The following BCKDHB variants were observed in gnomAD, a reference collection of about 807,000 sequenced individuals.
BCKDHB encodes 2-oxoisovalerate dehydrogenase subunit beta, mitochondrial.
A neutral mutation model predicts 48.5 loss-of-function variants in BCKDHB; 41 were observed. That is an observed-to-expected ratio of 0.85 (90% CI 0.66 to 1.10). The LOEUF (loss-of-function observed/expected upper bound fraction) is 1.10, where lower values mean the gene tolerates loss of function less well. Among genes scored for constraint, BCKDHB ranks in the 50% least tolerant of loss-of-function variants. The pLI, the probability that BCKDHB is intolerant of heterozygous loss-of-function variation, is 0.00. For synonymous variants in BCKDHB, 201 were observed against 174.8 expected (o/e 1.15, Z -1.18); for missense variants, 496 against 494.2 (o/e 1.00, Z -0.03).
intron 9 of BCKDHB, among the ~76,000 whole-genome samples, chr6:80,332,299 T>C (rs1453673947): frequency 1.3e-5 from 2 of 152,234 alleles, no homozygotes; most frequent in Non-Finnish European, 2.9e-5. Flanking sequence ...ACTGCACTTG[T>C]ATTTACATTT....
At chr6:80,430,558 T>G in the BCKDHB span, among the ~76,000 whole-genome samples, 1 of 151,542 alleles carries the variant, frequency 6.6e-6, no homozygotes, top group Admixed American at 6.6e-5. Flanking sequence ...ATTGGTCTAT[T>G]CAGGGATTCA....
chr6:80,387,749 G>C, the BCKDHB span, among the ~76,000 whole-genome samples: 2 of 152,236 alleles, frequency 1.3e-5, no homozygotes, highest in Non-Finnish European at 2.9e-5. Context: ...CCTACCTCAA[G>C]GGTATATCAA....
intron 9 of BCKDHB, among the ~76,000 whole-genome samples, chr6:80,303,767 G>T (rs781356982): frequency 6.6e-6 from 1 of 151,930 alleles, no homozygotes; most frequent in Non-Finnish European, 1.5e-5. Context: ...AATTTACAAA[G>T]CATCACTTTA....
At chr6:80,433,098 G>A in the BCKDHB span, among the ~76,000 whole-genome samples, 1 of 152,118 alleles carries the variant, frequency 6.6e-6, no homozygotes, top group South Asian at 2.1e-4. Flanking sequence ...GTGTCTGTTG[G>A]CCCATACTGG....
chr6:80,296,491 C>T (rs1264869888), intron 9 of BCKDHB, among the ~76,000 whole-genome samples: 1 of 152,242 alleles, frequency 6.6e-6, no homozygotes, highest in African/African-American at 2.4e-5. Context: ...CAACATCACT[C>T]CTGTATGATT....
At chr6:80,157,607 AG>A (rs1460458675) in intron 3 of BCKDHB, among the ~76,000 whole-genome samples, 2 of 151,356 alleles carry the variant, frequency 1.3e-5, no homozygotes, top group African/African-American at 4.8e-5. Context: ...CTGGGATTAC[AG>A]GCATGTGCCA....
At chr6:80,292,446 G>A (rs767487693) in intron 9 of BCKDHB, among the ~76,000 whole-genome samples, 14 of 151,624 alleles carry the variant, frequency 9.2e-5, no homozygotes, top group East Asian at 2.0e-4. Flanking sequence ...ATCAGATCGC[G>A]TGAGACTTAT....
intron 8 of BCKDHB, among the ~76,000 whole-genome samples, chr6:80,253,397 C>G (rs1466475159): frequency 6.6e-6 from 1 of 152,174 alleles, no homozygotes; most frequent in Non-Finnish European, 1.5e-5. Context: ...ACCATTTAGG[C>G]AAATGAGTTT....
intron 9 of BCKDHB, among the ~76,000 whole-genome samples, chr6:80,290,952 G>A (rs1766877973): frequency 6.6e-6 from 1 of 152,202 alleles, no homozygotes; most frequent in Non-Finnish European, 1.5e-5. Flanking sequence ...TGAGAGTGTA[G>A]CAGTCAGGAT....
the BCKDHB span, among the ~76,000 whole-genome samples, chr6:80,424,296 C>G: frequency 6.6e-6 from 1 of 152,122 alleles, no homozygotes; most frequent in African/African-American, 2.4e-5. Flanking sequence ...TCTTGTGATG[C>G]CTTTAAACTT....
intron 8 of BCKDHB, among the ~76,000 whole-genome samples, chr6:80,210,001 G>A (rs907446744): frequency 2.6e-5 from 4 of 151,952 alleles, no homozygotes; most frequent in African/African-American, 4.8e-5. Context: ...ATAATGTGGA[G>A]CAATTCAACT....
At chr6:80,270,708 G>A (rs1239119156) in intron 8 of BCKDHB, among the ~76,000 whole-genome samples, 3 of 152,012 alleles carry the variant, frequency 2.0e-5, no homozygotes, top group East Asian at 3.9e-4. Flanking sequence ...AGTATCTAAC[G>A]GCTTTGAGGG....
intron 8 of BCKDHB, among the ~76,000 whole-genome samples, chr6:80,249,162 A>ATT (rs1333275705): frequency 1.3e-5 from 2 of 152,030 alleles, no homozygotes; most frequent in African/African-American, 4.8e-5. Context: ...AGATGCTAAT[A>ATT]AGTTCCTCCC....
intron 8 of BCKDHB, among the ~76,000 whole-genome samples, chr6:80,249,196 G>A (rs1776738632): frequency 6.6e-6 from 1 of 151,386 alleles, no homozygotes. Flanking sequence ...CCCCAGTTGT[G>A]GTGACCAAAA....
chr6:80,380,179 T>G, the BCKDHB span, among the ~76,000 whole-genome samples: 2 of 152,016 alleles, frequency 1.3e-5, no homozygotes, highest in Non-Finnish European at 2.9e-5. Flanking sequence ...TTGCCTGACT[T>G]CAAATTATAT....
rs570582466 is a variant in BCKDHB at position 80,143,995 on chromosome 6, T to G, written c.343+14766T>G. On this transcript the variant is annotated intron_variant, in intron 3 of 9. Coordinates refer to ENST00000320393, the MANE Select transcript of BCKDHB (RefSeq NM_183050.4). ...AGTCTAGCAGAAACAAAGAAACTTG[T>G]TTCTAAGCCAAAAGGAAACACACAA... Among the ~76,000 whole-genome samples the G allele has an allele frequency of 2.0e-5, 3 of 152,276 alleles. No homozygotes were observed. In the East Asian group the frequency reaches 5.8e-4, roughly 29 times the overall value.
At chr6:80,378,162 A>G in the BCKDHB span, among the ~76,000 whole-genome samples, 2 of 152,112 alleles carry the variant, frequency 1.3e-5, no homozygotes, top group Non-Finnish European at 2.9e-5. Context: ...TATGTGCATA[A>G]TGGTTGAGAT....
At chr6:80,382,591 A>G in the BCKDHB span, among the ~76,000 whole-genome samples, 1 of 152,032 alleles carries the variant, frequency 6.6e-6, no homozygotes, top group Non-Finnish European at 1.5e-5. Flanking sequence ...ACCTCCTATA[A>G]CTACCCTAAT....
the BCKDHB span, among the ~76,000 whole-genome samples, chr6:80,437,867 G>A: frequency 6.6e-6 from 1 of 152,176 alleles, no homozygotes; most frequent in African/African-American, 2.4e-5. Context: ...TGACAGAGAA[G>A]TATATTGAAT....
Sources: gnomAD v4.1 joint callset for allele counts (sites outside exome capture counted in the v4.1 genomes callset) on GRCh38, gnomAD v4.1.1 for gene constraint, MANE v1.5 for transcripts, NCBI Gene and HGNC (gene_info 2026-07-23, HGNC 2026-07-21) for gene names.